Variants in TRPC5 observed in about 807,000 individuals in gnomAD.
TRPC5 encodes the protein short transient receptor potential channel 5.
In TRPC5, 9 loss-of-function variants were observed where a neutral mutation model predicts 56.5. The ratio of observed to expected loss-of-function variants is 0.16; its 90% confidence interval spans 0.10 to 0.28. The LOEUF (loss-of-function observed/expected upper bound fraction) is 0.28, where lower values mean the gene tolerates loss of function less well. Ranked by LOEUF, TRPC5 falls within the 10% of genes least tolerant of loss-of-function variation. The pLI is 1.00. For missense variants in TRPC5, 469 were observed against 748.9 expected, an observed-to-expected ratio of 0.63 and a Z score of 4.36; for synonymous variants, 282 against 278.5, an observed-to-expected ratio of 1.01 and a Z score of -0.13.
At chrX:112,049,066 G>T (rs963877019) in intron 1 of TRPC5, among the ~76,000 whole-genome samples, 1 of 111,871 alleles carries the variant, frequency 8.9e-6, no homozygotes, top group Non-Finnish European at 1.9e-5. Flanking sequence ...GAGTAACCTT[G>T]CAAGAGATAA....
chrX:111,948,278 G>A (rs1926980743), intron 2 of TRPC5, among the ~76,000 whole-genome samples: 1 of 111,502 alleles, frequency 9.0e-6, no homozygotes, highest in Non-Finnish European at 1.9e-5. Context: ...GTTTAGAAGG[G>A]GCTAGGGGAA....
At position 111,905,316 on chromosome X, in the gene TRPC5, C is replaced by T. The variant is rs759164490; in HGVS notation, c.900+6975G>A. ...GCCCATATTTAAAACTGGTTTTCTT[C>T]TGTCTATTTAACCCTCAGAAAGTTC... On this transcript the variant is annotated intron_variant, in intron 3 of 10. Coordinates refer to ENST00000262839, the MANE Select transcript of TRPC5 (RefSeq NM_012471.3). Among the ~76,000 whole-genome samples, 4 of 111,161 alleles carry T rather than the reference C, an allele frequency of 3.6e-5. No individual in the cohort carries two copies. In the Admixed American group the frequency reaches 3.8e-4, roughly 11 times the overall value.
chrX:111,774,808 T>G lies in TRPC5; in HGVS notation c.*1505A>C, dbSNP rs2148545914. The G allele has an allele frequency of 9.0e-6, 1 of 111,202 alleles. No homozygotes were observed. Among genetic ancestry groups the G allele is most frequent in the Admixed American group, 9.6e-5 (1 of 10,413 alleles). The allele number at this position is 111,202 out of a possible 1,213,427, so 9.2% of individuals were successfully genotyped here. ...TAATCTAAATGGATTCCTATTGGTG[T>G]TGACATTAAAAAAAACAGCGTGACA... On this transcript the variant is annotated 3_prime_UTR_variant, in exon 11 of 11. Transcript: ENST00000262839.
At chrX:112,026,621 A>G (rs1929418044) in intron 1 of TRPC5, among the ~76,000 whole-genome samples, 1 of 111,728 alleles carries the variant, frequency 9.0e-6, no homozygotes, top group Non-Finnish European at 1.9e-5. Context: ...AAAAAATTCT[A>G]CCAAAAAGTA....
chrX:111,780,850 G>A (rs774528135), intron 9 of TRPC5, among the ~76,000 whole-genome samples: 1 of 111,427 alleles, frequency 9.0e-6, no homozygotes, highest in South Asian at 3.8e-4. Flanking sequence ...AGTATTTTAT[G>A]TACAGTAGGT....
At chrX:111,789,015 A>G (rs1429415180) in intron 7 of TRPC5, among the ~76,000 whole-genome samples, 1 of 112,121 alleles carries the variant, frequency 8.9e-6, no homozygotes, top group Non-Finnish European at 1.9e-5. Context: ...ATTCAATGCC[A>G]TCCCCGTCAA....
intron 2 of TRPC5, among the ~76,000 whole-genome samples, chrX:111,939,561 G>T (rs1213573198): frequency 1.8e-5 from 2 of 111,448 alleles, no homozygotes; most frequent in Admixed American, 1.9e-4. Context: ...TTTTATTATA[G>T]CTTTGTTCTC....
chrX:112,036,835 C>T (rs1261912865), intron 1 of TRPC5, among the ~76,000 whole-genome samples: 2 of 111,463 alleles, frequency 1.8e-5, no homozygotes, highest in African/African-American at 3.3e-5. Context: ...CTGCCAACTA[C>T]AGACCCTTCT....
chrX:111,943,125 A>G (rs1451715666), intron 2 of TRPC5, among the ~76,000 whole-genome samples: 1 of 111,728 alleles, frequency 9.0e-6, no homozygotes, highest in Admixed American at 9.6e-5. Flanking sequence ...AGACTTCATT[A>G]TCATTCCTAG....
intron 3 of TRPC5, among the ~76,000 whole-genome samples, chrX:111,860,082 T>A (rs1483251601): frequency 8.9e-6 from 1 of 112,225 alleles, no homozygotes; most frequent in African/African-American, 3.2e-5. Flanking sequence ...CTAATTTTTT[T>A]GTATTTTAGT....
intron 1 of TRPC5, among the ~76,000 whole-genome samples, chrX:112,001,352 G>A (rs985176454): frequency 8.9e-6 from 1 of 112,112 alleles, no homozygotes; most frequent in Non-Finnish European, 1.9e-5. Flanking sequence ...GAGAAATGGA[G>A]GTAATACCAT....
intron 1 of TRPC5, among the ~76,000 whole-genome samples, chrX:112,017,595 G>A (rs1347616039): frequency 9.0e-6 from 1 of 110,923 alleles, no homozygotes; most frequent in Non-Finnish European, 1.9e-5. Context: ...GTAGAAAGAA[G>A]CAGAGCTGAC....
intron 7 of TRPC5, among the ~76,000 whole-genome samples, chrX:111,820,599 G>A (rs1430258319): frequency 1.8e-5 from 2 of 111,851 alleles, no homozygotes; most frequent in African/African-American, 3.2e-5. Flanking sequence ...GCCTATGACC[G>A]ATTTTGTGTT....
chrX:111,921,053 C>T (rs1024137818), intron 2 of TRPC5, among the ~76,000 whole-genome samples: 3 of 111,556 alleles, frequency 2.7e-5, no homozygotes, highest in Non-Finnish European at 5.6e-5. Context: ...TTGATTATTG[C>T]CTTGTGGATA....
chrX:111,770,631 C>T lies in TRPC5; in HGVS notation c.*5682G>A, dbSNP rs1262281804. Among the ~76,000 whole-genome samples, 1 of 111,793 alleles carries T rather than the reference C, an allele frequency of 8.9e-6. No individual in the cohort carries two copies. Among genetic ancestry groups the T allele is most frequent in the Non-Finnish European group, 1.9e-5 (1 of 53,193 alleles). On this transcript the variant is annotated 3_prime_UTR_variant, in exon 11 of 11. Coordinates refer to ENST00000262839, the MANE Select transcript of TRPC5 (RefSeq NM_012471.3). ...ATCCTTACTTCAAAAGCTTTTCCAACTGTCTCTTTACTACACTATCACCAT... is the reference window on the plus strand; with the variant it reads ...ATCCTTACTTCAAAAGCTTTTCCAATTGTCTCTTTACTACACTATCACCAT...
chrX:111,966,640 T>C (rs768474350), intron 1 of TRPC5, among the ~76,000 whole-genome samples: 8 of 111,948 alleles, frequency 7.1e-5, no homozygotes, highest in Non-Finnish European at 1.3e-4. Flanking sequence ...CATGATCAAG[T>C]GGGCTTCATC....
chrX:111,776,696 G>A lies in TRPC5; in HGVS notation c.2539C>T (p.Leu847Phe), dbSNP rs757706545. The change falls in exon 11 of 11, where the codon CTC (leucine) becomes TTC (phenylalanine). Residue 847 changes from leucine to phenylalanine, a missense_variant. By Grantham distance (22) the Leu-to-Phe change is conservative. Coordinates refer to ENST00000262839, the MANE Select transcript of TRPC5 (RefSeq NM_012471.3). ...FMGPSLKKLG[L>F]LFSKFNGHMS... The stretch of plus-strand genomic sequence containing the variant: ...TGACCATTAAATTTGGAGAATAGGA[G>A]ACCCAGTTTCTTGAGAGAAGGACCC... The A allele has an allele frequency of 6.6e-6, 8 of 1,211,801 alleles. No homozygotes were observed. Among genetic ancestry groups the A allele is most frequent in the Non-Finnish European group, 8.9e-6 (8 of 895,547 alleles).
chrX:111,926,448 A>G (rs921272582), intron 2 of TRPC5, among the ~76,000 whole-genome samples: 1 of 111,980 alleles, frequency 8.9e-6, no homozygotes, highest in African/African-American at 3.2e-5. Flanking sequence ...CTACATTTCA[A>G]CTACTCCATA....
intron 2 of TRPC5, among the ~76,000 whole-genome samples, chrX:111,944,723 A>C (rs1045521146): frequency 9.0e-5 from 10 of 111,546 alleles, no homozygotes; most frequent in Non-Finnish European, 1.7e-4. Flanking sequence ...ACACAGAAGA[A>C]AGATACAGAG....
Sources: gnomAD v4.1 joint callset for allele counts (sites outside exome capture counted in the v4.1 genomes callset) on GRCh38, gnomAD v4.1.1 for gene constraint, MANE v1.5 for transcripts, NCBI Gene and HGNC (gene_info 2026-07-23, HGNC 2026-07-21) for gene names.